PCGF6: variants seen among roughly 807,000 people sequenced by gnomAD.
PCGF6 encodes the protein polycomb group ring finger 6, also known as polycomb group RING finger protein 6.
PCGF6 carries 24 observed loss-of-function variants against 45.5 expected under a neutral mutation model. The observed-to-expected ratio is 0.53, with a 90% CI of 0.38 to 0.74. The LOEUF is 0.74. Ranked by LOEUF, PCGF6 falls within the 30% of genes least tolerant of loss-of-function variation. The pLI, the probability that PCGF6 is intolerant of heterozygous loss-of-function variation, is 0.00. For missense variants in PCGF6, 356 were observed against 443.2 expected, an observed-to-expected ratio of 0.80 and a Z score of 1.77; for synonymous variants, 152 against 162.1, an observed-to-expected ratio of 0.94 and a Z score of 0.47.
At chr10:103,348,577 G>A (rs552312935) in intron 3 of PCGF6, 139 bp downstream of exon 3, 11 of 629,712 alleles carry the variant, frequency 1.7e-5, no homozygotes, top group South Asian at 1.3e-4. Context: ...CACTCACCTC[G>A]GCCTCCCAAA....
Position 103,328,485 on chromosome 10 carries a change from C to A in PCGF6, c.811-1853G>T, listed in dbSNP as rs375065378. ...AGGTGTTGAGTGTAGGCACTCCAGGCAGACACCTGGGCTCAAACCCTGGTT... is the reference window on the plus strand; with the variant it reads ...AGGTGTTGAGTGTAGGCACTCCAGGAAGACACCTGGGCTCAAACCCTGGTT... On this transcript the variant is annotated intron_variant, in intron 7 of 9. Transcript: ENST00000369847. 3.3e-5 allele frequency among the ~76,000 whole-genome samples: 5 copies of A among 152,160 alleles called. No homozygotes were observed. The South Asian group carries it at 1.0e-3, about 31-fold the overall frequency.
intron 8 of PCGF6, among the ~76,000 whole-genome samples, chr10:103,324,589 G>A (rs565584265): frequency 1.9e-4 from 29 of 150,062 alleles, no homozygotes; most frequent in Admixed American, 4.7e-4. Context: ...GTGAAACCCC[G>A]TCTCTACTAA....
At chr10:103,305,875 C>G (rs1165646362) in intron 9 of PCGF6, among the ~76,000 whole-genome samples, 2 of 150,746 alleles carry the variant, frequency 1.3e-5, no homozygotes, top group Non-Finnish European at 3.0e-5. Context: ...TGGTGAAACT[C>G]CCCCTCTCTA....
At chr10:103,332,237 T>A (rs1195748645) in intron 7 of PCGF6, among the ~76,000 whole-genome samples, 1 of 152,150 alleles carries the variant, frequency 6.6e-6, no homozygotes, top group Non-Finnish European at 1.5e-5. Context: ...AACTATATAT[T>A]CTGGGTTGCA....
chr10:103,345,187 G>T (rs916776941), intron 5 of PCGF6, 55 bp from the exon 6 acceptor site: 1 of 1,261,398 alleles, frequency 7.9e-7, no homozygotes, highest in Non-Finnish European at 1.1e-6. Context: ...CATAAATTGA[G>T]ATCTTTGGAA....
At chr10:103,320,618 C>A (rs1050512258) in intron 8 of PCGF6, among the ~76,000 whole-genome samples, 1 of 151,912 alleles carries the variant, frequency 6.6e-6, no homozygotes, top group Non-Finnish European at 1.5e-5. Context: ...ACCCAGGAGG[C>A]GGAGGTTGCG....
intron 9 of PCGF6, among the ~76,000 whole-genome samples, chr10:103,304,661 T>TC (rs1304755374): frequency 6.7e-6 from 1 of 149,866 alleles, no homozygotes. Context: ...CCCCACTTTT[T>TC]TTTTTTTTTT....
intron 9 of PCGF6, among the ~76,000 whole-genome samples, chr10:103,312,831 CAT>C (rs2093162137): frequency 1.3e-5 from 2 of 152,190 alleles, no homozygotes; most frequent in South Asian, 4.1e-4. Flanking sequence ...CGTGGTGGCG[CAT>C]GCCTGTAAAC....
intron 3 of PCGF6, 109 bp from the exon 4 acceptor site, chr10:103,347,559 G>A: frequency 4.8e-6 from 4 of 837,310 alleles, no homozygotes; most frequent in South Asian, 1.7e-5. Context: ...TTTTCTCAGA[G>A]GTGAGTTACT....
chr10:103,303,902 T>G lies in PCGF6; in HGVS notation c.*3A>C. 1 of 1,609,348 alleles carries G rather than the reference T, an allele frequency of 6.2e-7. No individual in the cohort carries two copies. The highest frequency in any genetic ancestry group is 8.5e-7 in the Non-Finnish European group (1 of 1,175,830). On this transcript the variant is annotated 3_prime_UTR_variant, in exon 10 of 10. Transcript: ENST00000369847. ...TTCCCTCCTCATAATGTGCCTAGAA[T>G]CTTCAAGTTATCTTCAGAGGAGAAA...
rs763460907 is a variant in PCGF6 at position 103,326,519 on chromosome 10, A to G, written c.909+15T>C. ...CTCACAACTTTACCTATTCTTTTAC[A>G]TATATGTACTGTACCTGACAAGCTG... On this transcript the variant is annotated intron_variant, in intron 8 of 9. Coordinates refer to ENST00000369847, the MANE Select transcript of PCGF6 (RefSeq NM_001011663.2). 4 of 1,540,568 alleles carry G rather than the reference A, an allele frequency of 2.6e-6. No individual in the cohort carries two copies. The highest frequency in any genetic ancestry group is 2.4e-5 in the South Asian group (2 of 82,104).
intron 3 of PCGF6, 106 bp downstream of exon 3, chr10:103,348,610 C>T: frequency 1.2e-6 from 1 of 856,476 alleles, no homozygotes; most frequent in Non-Finnish European, 1.8e-6. Flanking sequence ...TGGCATTAGC[C>T]ACTGAACCCA....
At chr10:103,305,942 T>C (rs962161245) in intron 9 of PCGF6, among the ~76,000 whole-genome samples, 2 of 151,836 alleles carry the variant, frequency 1.3e-5, no homozygotes, top group African/African-American at 4.8e-5. Context: ...GAGTAAAGAA[T>C]GCCCCAGGGC....
Position 103,303,819 on chromosome 10 carries a change from G to A in PCGF6, c.*86C>T. The A allele has an allele frequency of 8.5e-7, 1 of 1,171,146 alleles. No homozygotes were observed. The highest frequency in any genetic ancestry group is 1.3e-6 in the Non-Finnish European group (1 of 793,694). 72.5% of individuals were successfully genotyped at this position (1,171,146 alleles called of 1,614,324 possible). ...TTATGTCTTGAACAGCAAAGTGGTA[G>A]CAATTACATTTCATGGAAATCTTTG... is the stretch of plus-strand genomic sequence containing the variant. On this transcript the variant is annotated 3_prime_UTR_variant, in exon 10 of 10. Transcript: ENST00000369847.
At chr10:103,330,473 C>A (rs1217870415) in intron 7 of PCGF6, among the ~76,000 whole-genome samples, 1 of 151,974 alleles carries the variant, frequency 6.6e-6, no homozygotes, top group African/African-American at 2.4e-5. Context: ...TCTATCGAAT[C>A]TTGGCTTAGG....
chr10:103,305,019 A>T (rs2093133047), intron 9 of PCGF6, among the ~76,000 whole-genome samples: 7 of 152,058 alleles, frequency 4.6e-5, no homozygotes, highest in Admixed American at 4.6e-4. Flanking sequence ...CTGGAGTGCA[A>T]TGGCGCGATC....
intron 8 of PCGF6, among the ~76,000 whole-genome samples, chr10:103,318,684 C>T (rs983943109): frequency 2.7e-5 from 4 of 150,062 alleles, no homozygotes; most frequent in African/African-American, 9.8e-5. Context: ...GCAGAGGCTG[C>T]AGTGAGCTGA....
chr10:103,330,326 T>C (rs1447808629), intron 7 of PCGF6, among the ~76,000 whole-genome samples: 1 of 151,190 alleles, frequency 6.6e-6, no homozygotes, highest in Non-Finnish European at 1.5e-5. Flanking sequence ...CCTCCCGTCC[T>C]GGTCTCCTAA....
intron 8 of PCGF6, among the ~76,000 whole-genome samples, chr10:103,319,930 C>T (rs573941581): frequency 1.3e-4 from 20 of 152,212 alleles, no homozygotes; most frequent in Admixed American, 9.8e-4. Flanking sequence ...CTCATCTTCC[C>T]GAGTAGCTGG....
Sources: allele counts gnomAD v4.1 joint callset (sites outside exome capture counted in the v4.1 genomes callset), GRCh38; gene constraint gnomAD v4.1.1; transcripts MANE v1.5; gene names NCBI Gene and HGNC (gene_info 2026-07-23, HGNC 2026-07-21).